The following KCNMB2 variants were observed in gnomAD, a reference collection of about 807,000 sequenced individuals.
KCNMB2 encodes the protein calcium-activated potassium channel subunit beta-2.
KCNMB2 carries 9 observed loss-of-function variants against 24.5 expected under a neutral mutation model. That is an observed-to-expected ratio of 0.37 (90% CI 0.22 to 0.64). The LOEUF (loss-of-function observed/expected upper bound fraction) is 0.64. Ranked by LOEUF, KCNMB2 falls within the 30% of genes least tolerant of loss-of-function variation. The pLI is 0.63. For synonymous variants in KCNMB2, 109 were observed against 104.4 expected, an observed-to-expected ratio of 1.04 and a Z score of -0.27; for missense variants, 226 against 284.3, an observed-to-expected ratio of 0.79 and a Z score of 1.47.
chr3:178,757,364 A>ATATATCCAAGAGGATATATATATATG (rs1724121331), intron 1 of KCNMB2, among the ~76,000 whole-genome samples: 1 of 46,040 alleles, frequency 2.2e-5, no homozygotes, highest in African/African-American at 1.0e-4. Context: ...ATATATATAT[A>ATATATCCAAGAGGATATATATATATG]TATATATATC....
At chr3:178,821,422 T>A (rs1321527499) in intron 2 of KCNMB2, among the ~76,000 whole-genome samples, 1 of 152,132 alleles carries the variant, frequency 6.6e-6, no homozygotes, top group Non-Finnish European at 1.5e-5. Flanking sequence ...CTTACTACCT[T>A]TACTACTTGG....
intron 1 of KCNMB2, among the ~76,000 whole-genome samples, chr3:178,753,658 A>G (rs1473465930): frequency 6.6e-6 from 1 of 152,216 alleles, no homozygotes; most frequent in Admixed American, 6.5e-5. Context: ...AATTCCTAAT[A>G]TATTTTAATT....
At chr3:178,661,447 T>A (rs1349686640) in intron 1 of KCNMB2, among the ~76,000 whole-genome samples, 2 of 138,992 alleles carry the variant, frequency 1.4e-5, no homozygotes, top group African/African-American at 2.8e-5. Context: ...CAATAAACAT[T>A]TTTTTTAATA....
intron 1 of KCNMB2, among the ~76,000 whole-genome samples, chr3:178,640,753 C>T (rs1560144049): frequency 6.6e-6 from 1 of 152,124 alleles, no homozygotes. Flanking sequence ...GGGGGTTGTA[C>T]TAAAAACTGA....
At chr3:178,768,694 G>A (rs571814116) in intron 1 of KCNMB2, among the ~76,000 whole-genome samples, 2 of 152,212 alleles carry the variant, frequency 1.3e-5, no homozygotes, top group East Asian at 3.9e-4. Flanking sequence ...AAGGAGCTCT[G>A]CCCATTTCTA....
intron 1 of KCNMB2, among the ~76,000 whole-genome samples, chr3:178,626,644 G>A (rs1185421754): frequency 6.6e-6 from 1 of 152,030 alleles, no homozygotes; most frequent in East Asian, 1.9e-4. Flanking sequence ...CAGATCTCAT[G>A]AGAAGTCACT....
chr3:178,667,801 C>CAT (rs1720770790), intron 1 of KCNMB2, among the ~76,000 whole-genome samples: 3 of 152,080 alleles, frequency 2.0e-5, no homozygotes, highest in African/African-American at 7.2e-5. Context: ...AGGACTCTGC[C>CAT]CCCTAAAGCC....
chr3:178,582,214 G>A (rs1033957564), intron 1 of KCNMB2, among the ~76,000 whole-genome samples: 4 of 152,172 alleles, frequency 2.6e-5, no homozygotes, highest in African/African-American at 7.2e-5. Flanking sequence ...CCTTTGCTGG[G>A]ACATGGATGA....
chr3:178,820,777 A>G (rs1191146782), intron 2 of KCNMB2: 1 of 152,334 alleles, frequency 6.6e-6, no homozygotes, highest in African/African-American at 2.4e-5. Context: ...TTTACAAGAT[A>G]TTTATCACAA....
intron 1 of KCNMB2, among the ~76,000 whole-genome samples, chr3:178,593,744 C>T (rs796310069): frequency 3.3e-5 from 5 of 151,550 alleles, no homozygotes; most frequent in African/African-American, 1.2e-4. Context: ...TCCCGTGTTG[C>T]AATGTCCTTC....
intron 1 of KCNMB2, among the ~76,000 whole-genome samples, chr3:178,759,676 A>C (rs1338796614): frequency 0.073 from 8,119 of 111,042 alleles, 1,274 homozygotes; most frequent in Non-Finnish European, 0.1. Context: ...ATATATATAT[A>C]TATCCAAGAG....
At chr3:178,698,825 T>C (rs1342050472) in intron 1 of KCNMB2, among the ~76,000 whole-genome samples, 1 of 152,206 alleles carries the variant, frequency 6.6e-6, no homozygotes, top group African/African-American at 2.4e-5. Flanking sequence ...GGAGATTTAA[T>C]TGTGGTATAA....
intron 1 of KCNMB2, among the ~76,000 whole-genome samples, chr3:178,708,639 T>C (rs1271077629): frequency 2.6e-5 from 4 of 152,128 alleles, no homozygotes; most frequent in African/African-American, 9.7e-5. Flanking sequence ...CTACAACTTA[T>C]TGAGTGCTCC....
At position 178,670,189 on chromosome 3, in the gene KCNMB2, C is replaced by T. The variant is rs150815104; in HGVS notation, c.-68+133478C>T. Reference sequence around the variant, plus strand: ...AAAGAAAACATATCACCAAAAGACACTCAAAGCAGGTTTCAAATCCCTCCT... The same window carrying T: ...AAAGAAAACATATCACCAAAAGACATTCAAAGCAGGTTTCAAATCCCTCCT... On this transcript the variant is annotated intron_variant, in intron 1 of 4. Transcript: ENST00000452583. Among the ~76,000 whole-genome samples, 504 of 152,226 alleles carry T rather than the reference C, an allele frequency of 3.3e-3. 2 individuals carry two copies. The highest frequency in any genetic ancestry group is 0.011 in the African/African-American group (476 of 41,540).
chr3:178,558,679 G>T (rs868400447), intron 1 of KCNMB2: 2 of 152,152 alleles, frequency 1.3e-5, no homozygotes, highest in African/African-American at 4.8e-5. Context: ...GAGCGTTGGT[G>T]TAAATATTCT....
intron 1 of KCNMB2, among the ~76,000 whole-genome samples, chr3:178,785,449 T>C (rs1043756454): frequency 5.3e-5 from 8 of 152,122 alleles, no homozygotes; most frequent in African/African-American, 1.4e-4. Context: ...AAAAATATAG[T>C]ATTACAAACA....
intron 1 of KCNMB2, among the ~76,000 whole-genome samples, chr3:178,626,629 A>C (rs1254058639): frequency 6.6e-6 from 1 of 151,990 alleles, no homozygotes; most frequent in Non-Finnish European, 1.5e-5. Flanking sequence ...CTCTTATAAA[A>C]CCATCAGATC....
chr3:178,679,899 A>G (rs1223590086), intron 1 of KCNMB2, among the ~76,000 whole-genome samples: 1 of 152,062 alleles, frequency 6.6e-6, no homozygotes, highest in Non-Finnish European at 1.5e-5. Flanking sequence ...AAAGAGGGTG[A>G]GTGAAAATGC....
intron 2 of KCNMB2, among the ~76,000 whole-genome samples, chr3:178,816,550 T>A (rs182410019): frequency 6.6e-6 from 1 of 152,226 alleles, no homozygotes; most frequent in East Asian, 1.9e-4. Flanking sequence ...CCTAACTTAC[T>A]AATTTGGATG....
Sources: gnomAD v4.1 joint callset for allele counts (sites outside exome capture counted in the v4.1 genomes callset) on GRCh38, gnomAD v4.1.1 for gene constraint, MANE v1.5 for transcripts, NCBI Gene and HGNC (gene_info 2026-07-23, HGNC 2026-07-21) for gene names.